CHLSN: variants seen among roughly 807,000 people sequenced by gnomAD.
CHLSN encodes the protein cholesin, also known as protein cholesin.
chr7:1,021,287 C>A, the CHLSN span: 2 of 769,680 alleles, frequency 2.6e-6, no homozygotes, highest in Non-Finnish European at 3.2e-6. Flanking sequence ...GTGTGGACCT[C>A]CAGGCTGGCA....
At chr7:1,046,618 C>G in the CHLSN span, among the ~76,000 whole-genome samples, 3 of 152,130 alleles carry the variant, frequency 2.0e-5, no homozygotes, top group African/African-American at 7.2e-5. Flanking sequence ...GAGATGCTGC[C>G]CGGGACCAGA....
At chr7:1,000,337 T>A in the CHLSN span, 10 of 734,344 alleles carry the variant, frequency 1.4e-5, no homozygotes, top group Non-Finnish European at 2.1e-5. Context: ...TGCCCCGCCG[T>A]GCACACACCT....
At chr7:1,001,620 G>GT in the CHLSN span, among the ~76,000 whole-genome samples, 1 of 121,488 alleles carries the variant, frequency 8.2e-6, no homozygotes, top group Non-Finnish European at 1.7e-5. Context: ...CCTGCCGGTG[G>GT]GGAGTCCTGC....
the CHLSN span, among the ~76,000 whole-genome samples, chr7:1,096,718 C>T: frequency 3.3e-5 from 5 of 152,364 alleles, no homozygotes; most frequent in African/African-American, 9.6e-5. The surrounding 1 kb of genome is among the most constrained non-coding windows in gnomAD (Gnocchi z 4.6). Flanking sequence ...TAGCACTGAA[C>T]GTGACCTCCT....
the CHLSN span, chr7:986,811 C>A: frequency 6.5e-7 from 1 of 1,528,546 alleles, no homozygotes; most frequent in African/African-American, 1.4e-5. Flanking sequence ...TGTCGGGACC[C>A]AAGACCTCCT....
chr7:990,026 G>A, the CHLSN span, among the ~76,000 whole-genome samples: 1 of 16,146 alleles, frequency 6.2e-5, no homozygotes, highest in African/African-American at 3.6e-4. Flanking sequence ...TGTGCTGGGG[G>A]CGGTGTGGTC....
chr7:1,078,897 A>T, the CHLSN span, among the ~76,000 whole-genome samples: 1 of 152,200 alleles, frequency 6.6e-6, no homozygotes, highest in Non-Finnish European at 1.5e-5. Context: ...GCCTTCCCCC[A>T]AACACTCAGC....
At chr7:1,091,849 G>A in the CHLSN span, 23 of 1,611,600 alleles carry the variant, frequency 1.4e-5, no homozygotes, top group East Asian at 2.2e-5. Context: ...CCTGGGCACC[G>A]CCCTGGCCAA....
At chr7:1,069,521 G>C in the CHLSN span, among the ~76,000 whole-genome samples, 1 of 141,986 alleles carries the variant, frequency 7.0e-6, no homozygotes, top group African/African-American at 2.7e-5. Flanking sequence ...CGCCACGCCT[G>C]ACTGGTTTTG....
At chr7:1,103,054 C>G in the CHLSN span, among the ~76,000 whole-genome samples, 1 of 152,228 alleles carries the variant, frequency 6.6e-6, no homozygotes, top group African/African-American at 2.4e-5. Context: ...TGAGAGCAGA[C>G]CTCTGCAGCG....
At chr7:1,135,380 T>C in the CHLSN span, among the ~76,000 whole-genome samples, 14 of 152,240 alleles carry the variant, frequency 9.2e-5, no homozygotes, top group Admixed American at 3.3e-4. Context: ...TGGTCATATA[T>C]GTGTACCTAG....
the CHLSN span, among the ~76,000 whole-genome samples, chr7:1,035,926 C>T: frequency 6.6e-6 from 1 of 152,058 alleles, no homozygotes; most frequent in Non-Finnish European, 1.5e-5. Context: ...TGTAGTCCAT[C>T]CAGACAGCAC....
At chr7:1,091,042 C>A in the CHLSN span, among the ~76,000 whole-genome samples, 4 of 152,178 alleles carry the variant, frequency 2.6e-5, no homozygotes, top group Non-Finnish European at 4.4e-5. Context: ...AATGCATTTT[C>A]CCCTCTCCTC....
the CHLSN span, chr7:1,028,276 G>A: frequency 9.2e-7 from 1 of 1,081,378 alleles, no homozygotes; most frequent in South Asian, 2.2e-5. Flanking sequence ...CGGCTGTCAG[G>A]TCCCGCGGGC....
the CHLSN span, chr7:1,025,503 T>G: frequency 6.6e-6 from 1 of 152,272 alleles, no homozygotes; most frequent in African/African-American, 2.4e-5. Flanking sequence ...CTGGCACCAC[T>G]GGGGCACAGG....
At chr7:1,053,294 G>A in the CHLSN span, among the ~76,000 whole-genome samples, 5 of 152,386 alleles carry the variant, frequency 3.3e-5, no homozygotes, top group East Asian at 1.9e-4. Flanking sequence ...TCACTCGGAC[G>A]CAGGTGTGGC....
chr7:1,106,553 C>A, the CHLSN span, among the ~76,000 whole-genome samples: 1 of 152,156 alleles, frequency 6.6e-6, no homozygotes, highest in Non-Finnish European at 1.5e-5. Flanking sequence ...CGGATTGACA[C>A]GTCAGGAGGA....
At chr7:1,122,494 C>T in the CHLSN span, among the ~76,000 whole-genome samples, 1 of 147,214 alleles carries the variant, frequency 6.8e-6, no homozygotes, top group African/African-American at 2.4e-5. Flanking sequence ...CAGACAGAAA[C>T]AGAGAAGCTA....
chr7:1,058,983 G>GGGC, the CHLSN span: 45 of 186,992 alleles, frequency 2.4e-4, no homozygotes, highest in Middle Eastern at 0.021. Flanking sequence ...CCCTGCCAGT[G>GGGC]GGCGGCGTGT....
Sources: allele counts gnomAD v4.1 joint callset (sites outside exome capture counted in the v4.1 genomes callset), GRCh38; gene constraint gnomAD v4.1.1; non-coding constraint Gnocchi (gnomAD v3.1); transcripts MANE v1.5; gene names NCBI Gene and HGNC (gene_info 2026-07-23, HGNC 2026-07-21).